The following LOXL2 variants were observed in gnomAD, a reference collection of about 807,000 sequenced individuals.
The protein encoded by LOXL2 is lysyl oxidase like 2.
A neutral mutation model predicts 93.0 loss-of-function variants in LOXL2; 70 were observed. The ratio of observed to expected loss-of-function variants is 0.75; its 90% CI spans 0.62 to 0.92. The LOEUF is 0.92. Ranked by LOEUF, LOXL2 falls within the 40% of genes least tolerant of loss-of-function variation. The pLI, the probability that LOXL2 is intolerant of heterozygous loss-of-function variation, is 0.00. For missense variants in LOXL2, 973 were observed against 1,054.9 expected (o/e 0.92, Z 1.08); for synonymous variants, 438 against 413.2 (o/e 1.06, Z -0.73).
At chr8:23,361,401 C>T (rs112987860) in intron 2 of LOXL2, among the ~76,000 whole-genome samples, 3 of 152,326 alleles carry the variant, frequency 2.0e-5, no homozygotes, top group African/African-American at 7.2e-5. Context: ...GGAGCCACCT[C>T]ATCATGTTTC....
intron 3 of LOXL2, among the ~76,000 whole-genome samples, chr8:23,357,982 A>G (rs1458156397): frequency 1.3e-5 from 2 of 152,228 alleles, no homozygotes; most frequent in Non-Finnish European, 2.9e-5. Context: ...TCTATTGCAT[A>G]CAATGATACA....
intron 5 of LOXL2, among the ~76,000 whole-genome samples, chr8:23,330,617 C>T (rs1306193204): frequency 1.3e-5 from 2 of 152,030 alleles, no homozygotes; most frequent in South Asian, 2.1e-4. Context: ...ATGTAAGGCA[C>T]GCTCGCTCTG....
At chr8:23,360,761 G>A (rs1460231659) in intron 2 of LOXL2, among the ~76,000 whole-genome samples, 1 of 152,108 alleles carries the variant, frequency 6.6e-6, no homozygotes, top group African/African-American at 2.4e-5. Context: ...TAATGATGAC[G>A]ATGATGATGA....
At chr8:23,382,803 C>G (rs1804699466) in intron 1 of LOXL2, among the ~76,000 whole-genome samples, 1 of 152,178 alleles carries the variant, frequency 6.6e-6, no homozygotes, top group Non-Finnish European at 1.5e-5. Flanking sequence ...TGCTAGAACT[C>G]CGTAATGCTT....
chr8:23,328,749 T>C (rs951479593), intron 5 of LOXL2, 184 bp from the exon 6 acceptor site: 50 of 360,726 alleles, frequency 1.4e-4, no homozygotes, highest in Non-Finnish European at 4.6e-5. Context: ...GTGTGTGTCG[T>C]GGGTGTGTTG....
chr8:23,360,889 G>T (rs1403926137), intron 2 of LOXL2, among the ~76,000 whole-genome samples: 1 of 151,796 alleles, frequency 6.6e-6, no homozygotes, highest in Non-Finnish European at 1.5e-5. Flanking sequence ...TTTGAGGTTT[G>T]TGGGGTTTTT....
chr8:23,345,736 TC>T (rs1364212502), intron 3 of LOXL2, among the ~76,000 whole-genome samples: 1 of 152,024 alleles, frequency 6.6e-6, no homozygotes, highest in African/African-American at 2.4e-5. Flanking sequence ...CACTTTTTTT[TC>T]TTTTTTAAAT....
chr8:23,353,751 T>G (rs1314814038), intron 3 of LOXL2, among the ~76,000 whole-genome samples: 1 of 152,218 alleles, frequency 6.6e-6, no homozygotes, highest in Non-Finnish European at 1.5e-5. Context: ...TTTTTTCCCC[T>G]ACAGAATATT....
Position 23,309,887 on chromosome 8 carries a change from G to T in LOXL2, c.1661C>A (p.Ala554Glu), listed in dbSNP as rs756158305. The T allele has an allele frequency of 2.6e-6, 4 of 1,541,604 alleles. No individual in the cohort carries two copies. In the South Asian group the frequency reaches 4.9e-5, roughly 19 times the overall value. Residue 554 changes from alanine (A) to glutamate (E), a missense_variant, in exon 10 of 14, where the codon GCG becomes GAG. Transcript: ENST00000389131. Reference protein sequence around the residue: ...SETAPDLVLNAEMVQQTTYLE... With the variant: ...SETAPDLVLNEEMVQQTTYLE... The stretch of plus-strand genomic sequence containing the variant: ...GTAGGTGGTCTGCTGCACCATCTCC[G>T]CATTGAGGACCAGGTCAGGGGCGGC...
rs756162523 is a variant in LOXL2 at position 23,328,434 on chromosome 8, C to G, written c.1098G>C (p.Glu366Asp). 41 of 1,614,032 alleles carry G rather than the reference C, an allele frequency of 2.5e-5. No homozygotes were observed. In the South Asian group the frequency reaches 4.2e-4, roughly 16 times the overall value. Residue 366 changes from glutamate (E) to aspartate (D), a missense_variant, in exon 6 of 14, where the codon GAG (glutamate) becomes GAC (aspartate). Coordinates refer to ENST00000389131, the MANE Select transcript of LOXL2 (RefSeq NM_002318.3). ...CCTCTTTGGCACTCCCAAAGCCCAG[C>G]TCTCTGCAGACCACACTGGCCGACA... ...DLVSASVVCR[E>D]LGFGSAKEAV...
At chr8:23,378,707 T>C (rs1405505821) in intron 1 of LOXL2, among the ~76,000 whole-genome samples, 2 of 152,252 alleles carry the variant, frequency 1.3e-5, no homozygotes, top group Non-Finnish European at 2.9e-5. Context: ...CAATCACTGA[T>C]ACCCTTTCTT....
intron 8 of LOXL2, among the ~76,000 whole-genome samples, chr8:23,318,174 T>TAA (rs201612130): frequency 1.7e-4 from 11 of 66,066 alleles, no homozygotes; most frequent in East Asian, 5.9e-4. Context: ...TCTTAAGGGG[T>TAA]AAAAAAAAAA....
chr8:23,390,069 A>G lies in LOXL2; in HGVS notation c.-84+13885T>C, dbSNP rs551541895. 2.0e-5 allele frequency among the ~76,000 whole-genome samples: 3 copies of G among 152,136 alleles called. No individual in the cohort carries two copies. In the East Asian group the frequency reaches 5.8e-4, roughly 29 times the overall value. On this transcript the variant is annotated intron_variant, in intron 1 of 13. Coordinates refer to ENST00000389131, the MANE Select transcript of LOXL2 (RefSeq NM_002318.3). ...ATTTCTGCCAGATGCCTGCATTCAC[A>G]TTTGGGGTCAGGGGCTAGGGTGGGG...
intron 4 of LOXL2, among the ~76,000 whole-genome samples, chr8:23,338,682 A>G (rs553051290): frequency 6.6e-6 from 1 of 152,300 alleles, no homozygotes; most frequent in African/African-American, 2.4e-5. Context: ...GAAAGATGCA[A>G]CTGCAAGCCA....
intron 9 of LOXL2, among the ~76,000 whole-genome samples, chr8:23,312,204 G>A (rs928374109): frequency 1.3e-5 from 2 of 150,968 alleles, no homozygotes; most frequent in Admixed American, 6.6e-5. Context: ...ATTCACAGCC[G>A]AATTCTACCA....
At chr8:23,305,664 C>T (rs1375220595) in intron 10 of LOXL2, among the ~76,000 whole-genome samples, 1 of 152,028 alleles carries the variant, frequency 6.6e-6, no homozygotes, top group African/African-American at 2.4e-5. Flanking sequence ...GGCTGGATCC[C>T]TGGGGTAGAG....
chr8:23,345,629 G>A (rs1803958556), intron 3 of LOXL2, among the ~76,000 whole-genome samples: 1 of 152,098 alleles, frequency 6.6e-6, no homozygotes, highest in Non-Finnish European at 1.5e-5. Context: ...TCACTGCTGT[G>A]GAATCCCTTC....
rs1803049723 is a variant in LOXL2, at chr8:23,297,428, GA to G, written c.*614del. ...ATAAATTTGTGCTTCAAAAGTCTGT[GA>G]AAATATAATAATAGTATCTTGAAAA... On this transcript the variant is annotated 3_prime_UTR_variant, in exon 14 of 14. Transcript: ENST00000389131. The G allele has an allele frequency of 6.6e-6, 1 of 152,200 alleles. No homozygotes were observed. Among genetic ancestry groups the G allele is most frequent in the African/African-American group, 2.4e-5 (1 of 41,438 alleles). 9.4% of individuals were successfully genotyped at this position (152,200 alleles called of 1,614,324 possible).
At chr8:23,393,173 C>A (rs1303261746) in intron 1 of LOXL2, among the ~76,000 whole-genome samples, 1 of 152,212 alleles carries the variant, frequency 6.6e-6, no homozygotes, top group Non-Finnish European at 1.5e-5. Context: ...CTATCACAAT[C>A]CCAGCTGACT....
Sources: gnomAD v4.1 joint callset for allele counts (sites outside exome capture counted in the v4.1 genomes callset) on GRCh38, gnomAD v4.1.1 for gene constraint, MANE v1.5 for transcripts, NCBI Gene and HGNC (gene_info 2026-07-23, HGNC 2026-07-21) for gene names.